TUBB2B: variants seen among roughly 807,000 people sequenced by gnomAD.
TUBB2B encodes the protein tubulin beta-2B chain.
Under a neutral mutation model 35.0 loss-of-function variants are expected in TUBB2B, and 5 were observed. That is an observed-to-expected ratio of 0.14 (90% CI 0.07 to 0.30). The LOEUF is 0.30. TUBB2B is among the 10% of genes least tolerant of loss of function. The probability of loss-of-function intolerance (pLI) is 1.00; values close to 1 mark genes in which losing one functional copy is unlikely to be tolerated. For missense variants in TUBB2B, 63 were observed against 601.8 expected (o/e 0.10, Z 9.37); for synonymous variants, 166 against 250.5 (o/e 0.66, Z 3.18).
rs374712202 is a variant in TUBB2B at position 3,226,211 on chromosome 6, C to G, written c.225G>C (p.Ser75=). The change falls in exon 3 of 4, where the codon TCG becomes TCC. Residue 75 remains serine, a synonymous_variant. Coordinates refer to ENST00000259818, the MANE Select transcript of TUBB2B (RefSeq NM_178012.5). This position sits in a 1 kb window ranked among gnomAD's most constrained non-coding sequence, Gnocchi z 5.5. ...TCTGGCCGAATGGTCCAGACCTAAC[C>G]GAATCCATCGTGCCTGGCTCCAGAT... ...LVDLEPGTMD[S]VRSGPFGQIF... 1.9e-6 allele frequency: 3 copies of G among 1,614,130 alleles called. No homozygotes were observed. Among genetic ancestry groups the G allele is most frequent in the Non-Finnish European group, 2.5e-6 (3 of 1,180,026 alleles).
chr6:3,227,340 C>T lies in TUBB2B; in HGVS notation c.57+147G>A. 2 of 1,078,246 alleles carry T rather than the reference C, an allele frequency of 1.9e-6. No individual in the cohort carries two copies. Among genetic ancestry groups the T allele is most frequent in the Non-Finnish European group, 2.7e-6 (2 of 752,470 alleles). The allele number at this position is 1,078,246 out of a possible 1,614,324, so 66.8% of individuals were successfully genotyped here. Reference sequence around the variant, plus strand: ...CCGTCCGCGAAAGTCACCTCCTAGCCCAGGCCACACTCGGCGGCACAAAGC... The same window carrying T: ...CCGTCCGCGAAAGTCACCTCCTAGCTCAGGCCACACTCGGCGGCACAAAGC... On this transcript the variant is annotated intron_variant, in intron 1 of 3. Coordinates refer to ENST00000259818, the MANE Select transcript of TUBB2B (RefSeq NM_178012.5). This position sits in a 1 kb window ranked among gnomAD's most constrained non-coding sequence, Gnocchi z 7.8.
At position 3,224,698 on chromosome 6, in the gene TUBB2B, C is replaced by T; in HGVS notation, c.*53G>A. ...GCCAGGTTATCGTCCCGGGAAGCCC[C>T]CCACCCCCTCGCTTTCCTCCTCCGC... On this transcript the variant is annotated 3_prime_UTR_variant, in exon 4 of 4. Coordinates refer to ENST00000259818, the MANE Select transcript of TUBB2B (RefSeq NM_178012.5). 1 of 1,608,706 alleles carries T rather than the reference C, an allele frequency of 6.2e-7. No homozygotes were observed. Among genetic ancestry groups the T allele is most frequent in the Non-Finnish European group, 8.5e-7 (1 of 1,176,506 alleles).
At chr6:3,225,848 A>G in intron 3 of TUBB2B, 37 bp from the exon 4 acceptor site, 1 of 1,612,852 alleles carries the variant, frequency 6.2e-7, no homozygotes, top group Non-Finnish European at 8.5e-7. Context: ...GTCACCGGTG[A>G]TTGTACTAAA....
rs1255036985 is a variant in TUBB2B at position 3,226,008 on chromosome 6, C to G, written c.277+151G>C. On this transcript the variant is annotated intron_variant, in intron 3 of 3. Transcript: ENST00000259818. The surrounding 1 kb of genome is among the most constrained non-coding windows in gnomAD (Gnocchi z 5.5). ...GGCCAGGACACCAAGCTCTTAGCAG[C>G]TGAAAGGCAAACAATTTTACACTAT... The G allele has an allele frequency of 1.5e-6, 2 of 1,319,090 alleles. No homozygotes were observed. Among genetic ancestry groups the G allele is most frequent in the Non-Finnish European group, 2.1e-6 (2 of 941,322 alleles). The allele number at this position is 1,319,090 out of a possible 1,614,324, so 81.7% of individuals were successfully genotyped here. A position where few individuals can be genotyped will look rare whatever the true frequency, so the allele number is the denominator to read the frequency against.
At position 3,224,741 on chromosome 6, in the gene TUBB2B, G is replaced by A. The variant is rs758448543; in HGVS notation, c.*10C>T. On this transcript the variant is annotated 3_prime_UTR_variant, in exon 4 of 4. Coordinates refer to ENST00000259818, the MANE Select transcript of TUBB2B (RefSeq NM_178012.5). ...TCCTCCGCTTTCCCTAACCCGTCTC[G>A]CGGGGGCATCTACGCCTCGTCCTCG... 4 of 1,613,674 alleles carry A rather than the reference G, an allele frequency of 2.5e-6. No individual in the cohort carries two copies. The highest frequency in any genetic ancestry group is 1.7e-5 in the Admixed American group (1 of 60,010).
chr6:3,226,388 T>C lies in TUBB2B; in HGVS notation c.167-119A>G. ...CAAAGGGAGACCCACCATCAGGTTC[T>C]CAAAGGGCTCTGTTGGCATAAGGAA... is the stretch of plus-strand genomic sequence containing the variant. On this transcript the variant is annotated intron_variant, in intron 2 of 3. Transcript: ENST00000259818. This position sits in a 1 kb window ranked among gnomAD's most constrained non-coding sequence, Gnocchi z 5.5. The C allele has an allele frequency of 2.8e-6, 3 of 1,080,202 alleles. No homozygotes were observed. Among genetic ancestry groups the C allele is most frequent in the Non-Finnish European group, 4.2e-6 (3 of 710,434 alleles). 66.9% of individuals were successfully genotyped at this position (1,080,202 alleles called of 1,614,324 possible).
At position 3,226,052 on chromosome 6, in the gene TUBB2B, C is replaced by A; in HGVS notation, c.277+107G>T. ...ACACTATATTAAAGCTAAGTTGGCA[C>A]ACCGCGGATGTTCTTCATGCTTTCC... On this transcript the variant is annotated intron_variant, in intron 3 of 3. Transcript: ENST00000259818. The surrounding 1 kb of genome is among the most constrained non-coding windows in gnomAD (Gnocchi z 5.5). 1 of 1,366,556 alleles carries A rather than the reference C, an allele frequency of 7.3e-7. No homozygotes were observed. Among genetic ancestry groups the A allele is most frequent in the Non-Finnish European group, 1.0e-6 (1 of 965,110 alleles). 84.7% of individuals were successfully genotyped at this position (1,366,556 alleles called of 1,614,324 possible). A position where few individuals can be genotyped will look rare whatever the true frequency, so the allele number is the denominator to read the frequency against.
At position 3,226,497 on chromosome 6, in the gene TUBB2B, A is replaced by T; in HGVS notation, c.166+64T>A. The T allele has an allele frequency of 1.4e-6, 2 of 1,447,518 alleles. No individual in the cohort carries two copies. Among genetic ancestry groups the T allele is most frequent in the Non-Finnish European group, 1.9e-6 (2 of 1,028,250 alleles). 89.7% of individuals were successfully genotyped at this position (1,447,518 alleles called of 1,614,324 possible). A position where few individuals can be genotyped will look rare whatever the true frequency, so the allele number is the denominator to read the frequency against. ...CCCAGGGCCACACCCCTGGGGTCCC[A>T]CGCAAGGGAAAGGGGAGAAGGTGGA... On this transcript the variant is annotated intron_variant, in intron 2 of 3. Transcript: ENST00000259818. This position sits in a 1 kb window ranked among gnomAD's most constrained non-coding sequence, Gnocchi z 5.5.
Position 3,227,367 on chromosome 6 carries a change from G to A in TUBB2B, c.57+120C>T, listed in dbSNP as rs1757302013. 2 of 1,353,378 alleles carry A rather than the reference G, an allele frequency of 1.5e-6. No individual in the cohort carries two copies. Among genetic ancestry groups the A allele is most frequent in the East Asian group, 2.5e-5 (1 of 40,028 alleles). The allele number at this position is 1,353,378 out of a possible 1,614,324, so 83.8% of individuals were successfully genotyped here. On this transcript the variant is annotated intron_variant, in intron 1 of 3. Transcript: ENST00000259818. This position sits in a 1 kb window ranked among gnomAD's most constrained non-coding sequence, Gnocchi z 7.8. Reference sequence around the variant, plus strand: ...AGGCCACACTCGGCGGCACAAAGCGGCCAGGAAGGTCTGCATTTGGCGATC... The same window carrying A: ...AGGCCACACTCGGCGGCACAAAGCGACCAGGAAGGTCTGCATTTGGCGATC...
chr6:3,226,330 C>T lies in TUBB2B; in HGVS notation c.167-61G>A, dbSNP rs541832437. The T allele has an allele frequency of 8.4e-6, 12 of 1,436,980 alleles. No individual in the cohort carries two copies. Among genetic ancestry groups the T allele is most frequent in the South Asian group, 2.3e-5 (2 of 86,090 alleles). 89.0% of individuals were successfully genotyped at this position (1,436,980 alleles called of 1,614,324 possible). Reference sequence around the variant, plus strand: ...AGGACCTCTGCAGAGAAGGGCTTGGCGCCTGCTGCCATCATGCAGATGTTG... The same window carrying T: ...AGGACCTCTGCAGAGAAGGGCTTGGTGCCTGCTGCCATCATGCAGATGTTG... On this transcript the variant is annotated intron_variant, in intron 2 of 3. Coordinates refer to ENST00000259818, the MANE Select transcript of TUBB2B (RefSeq NM_178012.5). The surrounding 1 kb of genome is among the most constrained non-coding windows in gnomAD (Gnocchi z 5.5).
rs759430414 is a variant in TUBB2B, at chr6:3,226,697, T to C, written c.58-28A>G. ...GAGACAGAAAGGCTGCATTTAGCCATGAACGATGCCCCCAGAAACGCCAAG... is the reference window on the plus strand; with the variant it reads ...GAGACAGAAAGGCTGCATTTAGCCACGAACGATGCCCCCAGAAACGCCAAG... On this transcript the variant is annotated intron_variant, in intron 1 of 3. Coordinates refer to ENST00000259818, the MANE Select transcript of TUBB2B (RefSeq NM_178012.5). The surrounding 1 kb of genome is among the most constrained non-coding windows in gnomAD (Gnocchi z 5.5). 8.9e-6 allele frequency: 14 copies of C among 1,579,660 alleles called. No individual in the cohort carries two copies. In the South Asian group the frequency reaches 1.4e-4, roughly 16 times the overall value.
In TUBB2B at chr6:3,227,434, TC is replaced by T; in HGVS notation, c.57+52del. On this transcript the variant is annotated intron_variant, in intron 1 of 3. Coordinates refer to ENST00000259818, the MANE Select transcript of TUBB2B (RefSeq NM_178012.5). This position sits in a 1 kb window ranked among gnomAD's most constrained non-coding sequence, Gnocchi z 7.8. ...ACCGCGCCTGGGGACCCCGAGGGGC[TC>T]TCGGCCCAGGTTCGCGCCCCCATTG... 1 of 1,597,106 alleles carries T rather than the reference TC, an allele frequency of 6.3e-7. No homozygotes were observed. The highest frequency in any genetic ancestry group is 2.2e-5 in the East Asian group (1 of 44,672).
At position 3,227,419 on chromosome 6, in the gene TUBB2B, G is replaced by C. The variant is rs1757302645; in HGVS notation, c.57+68C>G. On this transcript the variant is annotated intron_variant, in intron 1 of 3. Coordinates refer to ENST00000259818, the MANE Select transcript of TUBB2B (RefSeq NM_178012.5). This position sits in a 1 kb window ranked among gnomAD's most constrained non-coding sequence, Gnocchi z 7.8. ...CCAGGCCTTCCCAGGACCGCGCCTG[G>C]GGACCCCGAGGGGCTCTCGGCCCAG... 1 of 1,589,156 alleles carries C rather than the reference G, an allele frequency of 6.3e-7. No homozygotes were observed. The highest frequency in any genetic ancestry group is 8.5e-7 in the Non-Finnish European group (1 of 1,173,820).
chr6:3,227,622 C>A lies in TUBB2B; in HGVS notation c.-79G>T. Reference sequence around the variant, plus strand: ...CCCTCACACACCCACTGCGGGGTCACCGGGAAGGCGCTCGGGAACCGACGG... The same window carrying A: ...CCCTCACACACCCACTGCGGGGTCAACGGGAAGGCGCTCGGGAACCGACGG... On this transcript the variant is annotated 5_prime_UTR_variant, in exon 1 of 4. Transcript: ENST00000259818. The surrounding 1 kb of genome is among the most constrained non-coding windows in gnomAD (Gnocchi z 7.8). The A allele has an allele frequency of 6.3e-7, 1 of 1,575,394 alleles. No individual in the cohort carries two copies. The highest frequency in any genetic ancestry group is 8.6e-7 in the Non-Finnish European group (1 of 1,160,448).
chr6:3,227,483 C>T lies in TUBB2B; in HGVS notation c.57+4G>A, dbSNP rs767477213. 73 of 1,607,680 alleles carry T rather than the reference C, an allele frequency of 4.5e-5. No individual in the cohort carries two copies. Among genetic ancestry groups the T allele is most frequent in the Non-Finnish European group, 6.1e-5 (72 of 1,179,664 alleles). On this transcript the variant is annotated splice_donor_region_variant and intron_variant, in intron 1 of 3. Coordinates refer to ENST00000259818, the MANE Select transcript of TUBB2B (RefSeq NM_178012.5). The surrounding 1 kb of genome is among the most constrained non-coding windows in gnomAD (Gnocchi z 7.8). ...TTGGACCCCCTCCGCTGCGGCGCGC[C>T]CACCTTGGCGCCGATCTGGTTGCCG...
Position 3,227,575 on chromosome 6 carries a change from G to A in TUBB2B, c.-32C>T. 1 of 1,609,438 alleles carries A rather than the reference G, an allele frequency of 6.2e-7. No homozygotes were observed. The highest frequency in any genetic ancestry group is 8.5e-7 in the Non-Finnish European group (1 of 1,179,298). On this transcript the variant is annotated 5_prime_UTR_variant, in exon 1 of 4. Coordinates refer to ENST00000259818, the MANE Select transcript of TUBB2B (RefSeq NM_178012.5). This position sits in a 1 kb window ranked among gnomAD's most constrained non-coding sequence, Gnocchi z 7.8. ...TCGTCAGCGTCCTCCTGGTCCGGCG[G>A]CGTCTGGGTCTGTCCGTCCTCCCCT...
chr6:3,226,308 A>G lies in TUBB2B; in HGVS notation c.167-39T>C, dbSNP rs748297107. 4.5e-6 allele frequency: 7 copies of G among 1,566,416 alleles called. No individual in the cohort carries two copies. In the South Asian group the frequency reaches 7.8e-5, roughly 17 times the overall value. On this transcript the variant is annotated intron_variant, in intron 2 of 3. Transcript: ENST00000259818. This position sits in a 1 kb window ranked among gnomAD's most constrained non-coding sequence, Gnocchi z 5.5. ...CAGTGACTTAGACCCTCAGGCAAGGACCTCTGCAGAGAAGGGCTTGGCGCC... is the reference window on the plus strand; with the variant it reads ...CAGTGACTTAGACCCTCAGGCAAGGGCCTCTGCAGAGAAGGGCTTGGCGCC...
Position 3,224,766 on chromosome 6 carries a change from G to A in TUBB2B, c.1323C>T (p.Gly441=), listed in dbSNP as rs1203008145. The A allele has an allele frequency of 1.9e-6, 3 of 1,613,488 alleles. No homozygotes were observed. Among genetic ancestry groups the A allele is most frequent in the Non-Finnish European group, 1.7e-6 (2 of 1,179,920 alleles). The part of the protein sequence containing the change: ...DEQGEFEEEE[G]EDEA ...GCGGGGGCATCTACGCCTCGTCCTC[G>A]CCCTCCTCCTCCTCGAACTCCCCTT... Residue 441 remains glycine (G), a synonymous_variant, in exon 4 of 4, where the codon GGC becomes GGT. Transcript: ENST00000259818.
Position 3,226,485 on chromosome 6 carries a change from C to T in TUBB2B, c.166+76G>A. ...AGTCCACCCTCTCCCAGGGCCACACCCCTGGGGTCCCACGCAAGGGAAAGG... is the reference window on the plus strand; with the variant it reads ...AGTCCACCCTCTCCCAGGGCCACACTCCTGGGGTCCCACGCAAGGGAAAGG... On this transcript the variant is annotated intron_variant, in intron 2 of 3. Transcript: ENST00000259818. The surrounding 1 kb of genome is among the most constrained non-coding windows in gnomAD (Gnocchi z 5.5). 1 of 1,388,766 alleles carries T rather than the reference C, an allele frequency of 7.2e-7. No homozygotes were observed. Among genetic ancestry groups the T allele is most frequent in the South Asian group, 1.2e-5 (1 of 86,414 alleles). The allele number at this position is 1,388,766 out of a possible 1,614,324, so 86.0% of individuals were successfully genotyped here.
Sources: allele counts gnomAD v4.1 joint callset, GRCh38; gene constraint gnomAD v4.1.1; non-coding constraint Gnocchi (gnomAD v3.1); transcripts MANE v1.5; gene names NCBI Gene and HGNC (gene_info 2026-07-23, HGNC 2026-07-21).